Variants in STARD13 observed in about 807,000 individuals in gnomAD.
STARD13 encodes the protein StAR related lipid transfer domain containing 13.
Under a neutral mutation model 106.4 loss-of-function variants are expected in STARD13, and 62 were observed. The ratio of observed to expected loss-of-function variants is 0.58; its 90% confidence interval spans 0.48 to 0.72. The LOEUF is 0.72. STARD13 is among the 30% of genes least tolerant of loss of function. STARD13 has a pLI of 0.00. For synonymous variants in STARD13, 565 were observed against 553.0 expected (o/e 1.02, Z -0.31); for missense variants, 1,387 against 1,424.0 (o/e 0.97, Z 0.42).
At chr13:33,431,148 A>G in the STARD13 span, among the ~76,000 whole-genome samples, 1 of 152,224 alleles carries the variant, frequency 6.6e-6, no homozygotes, top group Non-Finnish European at 1.5e-5. Context: ...TTTACAAATT[A>G]TATGAATGTA....
intron 1 of STARD13, among the ~76,000 whole-genome samples, chr13:33,315,242 G>C (rs559259792): frequency 6.6e-6 from 1 of 152,140 alleles, no homozygotes; most frequent in Non-Finnish European, 1.5e-5. Context: ...GATTCAGCAC[G>C]TGAAAGCTCC....
chr13:33,546,707 A>G, the STARD13 span, among the ~76,000 whole-genome samples: 1 of 151,508 alleles, frequency 6.6e-6, no homozygotes, highest in South Asian at 2.1e-4. Flanking sequence ...GCGGTGGCTC[A>G]GTCTCCACTT....
At chr13:33,279,025 T>C (rs2138390001) in intron 1 of STARD13, among the ~76,000 whole-genome samples, 1 of 152,318 alleles carries the variant, frequency 6.6e-6, no homozygotes, top group East Asian at 1.9e-4. Context: ...ATGTGGTCTT[T>C]AGATCATTCA....
At chr13:33,297,636 T>G (rs879582140) in intron 1 of STARD13, among the ~76,000 whole-genome samples, 5 of 152,134 alleles carry the variant, frequency 3.3e-5, no homozygotes, top group Admixed American at 2.6e-4. Context: ...AAGAAAAGTT[T>G]AGAAGAAACT....
chr13:33,496,136 AATC>A, the STARD13 span, among the ~76,000 whole-genome samples: 2 of 126,824 alleles, frequency 1.6e-5, no homozygotes, highest in African/African-American at 5.2e-5. Flanking sequence ...ATATATTTAT[AATC>A]ATTTTAATTT....
intron 1 of STARD13, chr13:33,333,810 G>C (rs2077864166): frequency 6.6e-6 from 1 of 152,210 alleles, no homozygotes; most frequent in African/African-American, 2.4e-5. Context: ...TGGTACTCTA[G>C]AGACTAATTT....
intron 1 of STARD13, among the ~76,000 whole-genome samples, chr13:33,270,260 A>T (rs1309890413): frequency 6.6e-6 from 1 of 152,080 alleles, no homozygotes; most frequent in Non-Finnish European, 1.5e-5. Flanking sequence ...AACAAAACAA[A>T]ACAGCACAGA....
the STARD13 span, among the ~76,000 whole-genome samples, chr13:33,458,133 TA>T: frequency 0.028 from 4,267 of 152,266 alleles, 197 homozygotes; most frequent in African/African-American, 0.095. Context: ...AGTAATTATA[TA>T]AAAACAAAAC....
the STARD13 span, among the ~76,000 whole-genome samples, chr13:33,605,081 A>T: frequency 2.6e-5 from 4 of 151,708 alleles, no homozygotes; most frequent in African/African-American, 9.7e-5. Flanking sequence ...TCTACCAAAC[A>T]TTAAAAAATT....
chr13:33,109,790 G>T, intron 12 of STARD13, 83 bp downstream of exon 12: 1 of 1,327,872 alleles, frequency 7.5e-7, no homozygotes. Flanking sequence ...ACTTTGGTGG[G>T]AGACACCAGG....
chr13:33,256,359 T>C (rs1890365121), intron 1 of STARD13, among the ~76,000 whole-genome samples: 1 of 152,194 alleles, frequency 6.6e-6, no homozygotes, highest in Non-Finnish European at 1.5e-5. Context: ...CAGTCAGCAG[T>C]GTTGCCATTG....
the STARD13 span, among the ~76,000 whole-genome samples, chr13:33,595,611 G>C: frequency 1.3e-5 from 2 of 152,110 alleles, no homozygotes; most frequent in Admixed American, 1.3e-4. Flanking sequence ...TACATGGGTT[G>C]TGCACACATA....
At chr13:33,484,747 C>T in the STARD13 span, among the ~76,000 whole-genome samples, 5 of 152,270 alleles carry the variant, frequency 3.3e-5, no homozygotes, top group Non-Finnish European at 5.9e-5. Context: ...TTGGCCCTAT[C>T]TGGGCAGTGA....
At chr13:33,477,379 G>A in the STARD13 span, among the ~76,000 whole-genome samples, 1 of 152,212 alleles carries the variant, frequency 6.6e-6, no homozygotes, top group African/African-American at 2.4e-5. Context: ...TAAGGGACAG[G>A]ATAGACCTGG....
chr13:33,302,564 G>T (rs1234265517), intron 1 of STARD13, among the ~76,000 whole-genome samples: 1 of 151,978 alleles, frequency 6.6e-6, no homozygotes, highest in African/African-American at 2.4e-5. Context: ...CCACAGGCGT[G>T]TGCCACCCCC....
intron 1 of STARD13, among the ~76,000 whole-genome samples, chr13:33,267,346 G>A (rs73458277): frequency 6.6e-6 from 1 of 152,056 alleles, no homozygotes; most frequent in African/African-American, 2.4e-5. Flanking sequence ...TCTGACCAAG[G>A]GATAGAAGCT....
intron 1 of STARD13, chr13:33,281,220 G>A (rs772326739): frequency 6.6e-5 from 10 of 152,142 alleles, no homozygotes; most frequent in African/African-American, 2.2e-4. Context: ...GTAAAGGAGC[G>A]AAGGAGCTTC....
intron 1 of STARD13, among the ~76,000 whole-genome samples, chr13:33,315,168 A>G (rs1046672588): frequency 2.0e-5 from 3 of 152,202 alleles, no homozygotes; most frequent in Non-Finnish European, 4.4e-5. Flanking sequence ...CTGTCATTAA[A>G]ACACAGTTCC....
intron 1 of STARD13, among the ~76,000 whole-genome samples, chr13:33,282,900 A>C (rs60322479): frequency 6.6e-6 from 1 of 151,706 alleles, no homozygotes. Context: ...ATGGTGGCAC[A>C]CTCCTGTAAG....
Sources: allele counts gnomAD v4.1 joint callset (sites outside exome capture counted in the v4.1 genomes callset), GRCh38; gene constraint gnomAD v4.1.1; transcripts MANE v1.5; gene names NCBI Gene and HGNC (gene_info 2026-07-23, HGNC 2026-07-21).